KIAA1217: variants seen among roughly 807,000 people sequenced by gnomAD.
KIAA1217 encodes sickle tail protein homolog.
Under a neutral mutation model 163.9 loss-of-function variants are expected in KIAA1217, and 88 were observed. The ratio of observed to expected loss-of-function variants is 0.54; its 90% CI spans 0.45 to 0.64. The LOEUF (loss-of-function observed/expected upper bound fraction) is 0.64, where lower values mean the gene tolerates loss of function less well. KIAA1217 is among the 30% of genes least tolerant of loss of function. KIAA1217 has a pLI of 0.00. For missense variants in KIAA1217, 2,372 were observed against 2,475.0 expected, an observed-to-expected ratio of 0.96 and a Z score of 0.88; for synonymous variants, 903 against 923.1, an observed-to-expected ratio of 0.98 and a Z score of 0.39.
chr10:24,414,793 G>A (rs1321585882), intron 3 of KIAA1217, among the ~76,000 whole-genome samples: 3 of 152,148 alleles, frequency 2.0e-5, no homozygotes, highest in Non-Finnish European at 2.9e-5. Context: ...TCTTTATTGT[G>A]TGATCTTGTG....
At chr10:23,817,437 G>A (rs532943330) in intron 1 of KIAA1217, among the ~76,000 whole-genome samples, 13 of 152,244 alleles carry the variant, frequency 8.5e-5, no homozygotes, top group African/African-American at 2.4e-4. Context: ...ATCCTGGAAC[G>A]TTTGAGCTGG....
At chr10:24,403,381 G>C (rs147493530) in intron 3 of KIAA1217, among the ~76,000 whole-genome samples, 1 of 152,156 alleles carries the variant, frequency 6.6e-6, no homozygotes, top group Non-Finnish European at 1.5e-5. Context: ...TGGGATTACA[G>C]ACATGTGCCA....
chr10:24,522,026 C>A, intron 12 of KIAA1217, 97 bp downstream of exon 12: 1 of 1,364,100 alleles, frequency 7.3e-7, no homozygotes, highest in South Asian at 1.4e-5. Flanking sequence ...ACCATGCTCC[C>A]AGGACACATC....
chr10:24,226,902 G>A (rs976561564), intron 2 of KIAA1217, among the ~76,000 whole-genome samples: 5 of 151,918 alleles, frequency 3.3e-5, no homozygotes, highest in African/African-American at 1.2e-4. Context: ...CTTCTTACTT[G>A]CAGAAACCAA....
chr10:24,080,890 G>T (rs531301397), intron 2 of KIAA1217, among the ~76,000 whole-genome samples: 40 of 152,042 alleles, frequency 2.6e-4, no homozygotes, highest in African/African-American at 9.7e-4. Context: ...TAAACAAGTA[G>T]GGCCAGAATT....
At chr10:24,195,283 C>T (rs557533003) in intron 2 of KIAA1217, among the ~76,000 whole-genome samples, 11 of 152,316 alleles carry the variant, frequency 7.2e-5, no homozygotes, top group Admixed American at 7.2e-4. Flanking sequence ...TCCTGTATTT[C>T]CAGCTACAAG....
At chr10:24,270,452 G>A (rs376910279) in intron 2 of KIAA1217, among the ~76,000 whole-genome samples, 8 of 152,280 alleles carry the variant, frequency 5.3e-5, no homozygotes, top group African/African-American at 1.9e-4. Flanking sequence ...TAAATCACAT[G>A]AATGCATCCA....
intron 2 of KIAA1217, among the ~76,000 whole-genome samples, chr10:24,116,899 A>ATAGT (rs567367335): frequency 6.6e-6 from 1 of 152,230 alleles, no homozygotes; most frequent in Non-Finnish European, 1.5e-5. Flanking sequence ...AATATGAAAG[A>ATAGT]TAGTTAGGGA....
intron 2 of KIAA1217, among the ~76,000 whole-genome samples, chr10:24,287,487 G>A (rs1309037087): frequency 2.6e-5 from 4 of 152,166 alleles, no homozygotes; most frequent in African/African-American, 7.2e-5. Flanking sequence ...AACTACTGGA[G>A]ATGCAATTAA....
At chr10:24,106,850 T>G (rs1295346627) in intron 2 of KIAA1217, among the ~76,000 whole-genome samples, 4 of 150,768 alleles carry the variant, frequency 2.7e-5, no homozygotes, top group African/African-American at 7.5e-5. Context: ...TTTGTTGTTG[T>G]GTTGTTTGGT....
upstream of KIAA1217, among the ~76,000 whole-genome samples, chr10:24,208,015 G>T (rs1057467420): frequency 6.6e-6 from 1 of 150,694 alleles, no homozygotes; most frequent in Non-Finnish European, 1.5e-5. Context: ...CTCCTGTGAC[G>T]GGGCTACTAC....
At chr10:23,852,005 G>A (rs1430917169) in intron 1 of KIAA1217, among the ~76,000 whole-genome samples, 2 of 152,070 alleles carry the variant, frequency 1.3e-5, no homozygotes, top group African/African-American at 4.8e-5. Flanking sequence ...CTGTGCAGAA[G>A]CTCTTTCATT....
chr10:24,444,808 C>T (rs780726152), intron 5 of KIAA1217, among the ~76,000 whole-genome samples: 10 of 152,124 alleles, frequency 6.6e-5, no homozygotes, highest in Admixed American at 6.6e-5. Flanking sequence ...TACTCTAAAG[C>T]TTAGAATTAA....
intron 1 of KIAA1217, among the ~76,000 whole-genome samples, chr10:23,707,709 T>C (rs7895193): frequency 0.18 from 27,437 of 152,136 alleles, 4,830 homozygotes; most frequent in African/African-American, 0.45. Context: ...GAAAACTGCA[T>C]TTGTACCTCC....
intron 2 of KIAA1217, among the ~76,000 whole-genome samples, chr10:24,140,605 CTG>C (rs1429874379): frequency 2.0e-5 from 3 of 152,118 alleles, no homozygotes; most frequent in African/African-American, 7.2e-5. Context: ...TGAAGCAGGA[CTG>C]TATGAGATTT....
chr10:24,462,726 G>A (rs184968646), intron 5 of KIAA1217, among the ~76,000 whole-genome samples: 9 of 152,308 alleles, frequency 5.9e-5, no homozygotes, highest in Middle Eastern at 3.4e-3. Flanking sequence ...GTGTTTGTGG[G>A]TGGGGTATGG....
chr10:23,733,367 T>C (rs1838590336), intron 1 of KIAA1217, among the ~76,000 whole-genome samples: 2 of 152,196 alleles, frequency 1.3e-5, no homozygotes, highest in African/African-American at 2.4e-5. Flanking sequence ...AATTCTTTGA[T>C]AAATCGCTTT....
At chr10:24,466,005 T>G (rs2062907719) in intron 5 of KIAA1217, among the ~76,000 whole-genome samples, 1 of 152,212 alleles carries the variant, frequency 6.6e-6, no homozygotes, top group Admixed American at 6.5e-5. Context: ...TAATGGCTGC[T>G]ACCCAAAGTT....
chr10:23,993,641 C>T (rs1031141123), intron 1 of KIAA1217, among the ~76,000 whole-genome samples: 4 of 144,918 alleles, frequency 2.8e-5, no homozygotes, highest in Non-Finnish European at 6.0e-5. Context: ...CTGCAACCTT[C>T]GCCTCCTGGG....
Sources: gnomAD v4.1 joint callset for allele counts (sites outside exome capture counted in the v4.1 genomes callset) on GRCh38, gnomAD v4.1.1 for gene constraint, MANE v1.5 for transcripts, NCBI Gene and HGNC (gene_info 2026-07-23, HGNC 2026-07-21) for gene names.